Variants in MZT1 observed in about 807,000 individuals in gnomAD.
The protein encoded by MZT1 is mitotic-spindle organizing protein 1.
In MZT1, 8 loss-of-function variants were observed where a neutral mutation model predicts 8.5. The ratio of observed to expected loss-of-function variants is 0.94; its 90% CI spans 0.55 to 1.70. MZT1 has a LOEUF of 1.70. MZT1 is among the 40% of genes most tolerant of loss of function. The probability of loss-of-function intolerance (pLI) is 0.00; values close to 1 mark genes in which losing one functional copy is unlikely to be tolerated. For synonymous variants in MZT1, 38 were observed against 42.0 expected (o/e 0.90, Z 0.37); for missense variants, 93 against 108.6 (o/e 0.86, Z 0.64).
At chr13:72,717,973 C>G (rs536565242) in intron 2 of MZT1, among the ~76,000 whole-genome samples, 1 of 152,196 alleles carries the variant, frequency 6.6e-6, no homozygotes, top group Non-Finnish European at 1.5e-5. Flanking sequence ...GTATTTGTTA[C>G]AGCAACACCC....
chr13:72,724,715 T>TACAC (rs2032624114), intron 1 of MZT1, among the ~76,000 whole-genome samples: 4 of 22,844 alleles, frequency 1.8e-4, no homozygotes, highest in African/African-American at 2.4e-4. Flanking sequence ...TATATATATA[T>TACAC]ATACATATAT....
chr13:72,722,072 C>T, intron 1 of MZT1, among the ~76,000 whole-genome samples: 1 of 152,080 alleles, frequency 6.6e-6, no homozygotes, highest in East Asian at 1.9e-4. Context: ...TTGTTCCTGC[C>T]TTCGTCTATT....
In MZT1 at chr13:72,727,614, A is replaced by G; in HGVS notation, c.-12T>C. 6.3e-7 allele frequency: 1 copy of G among 1,584,422 alleles called. No homozygotes were observed. The highest frequency in any genetic ancestry group is 8.6e-7 in the Non-Finnish European group (1 of 1,164,980). Reference sequence around the variant, plus strand: ...CTGCTACTCGCCATGGCTAAGGCCGAGGGAGGCGGGAGAAGGGCCTGACCC... The same window carrying G: ...CTGCTACTCGCCATGGCTAAGGCCGGGGGAGGCGGGAGAAGGGCCTGACCC... On this transcript the variant is annotated 5_prime_UTR_variant, in exon 1 of 3. Transcript: ENST00000377818.
In MZT1 at chr13:72,708,974, T is replaced by G. The variant is rs556270549; in HGVS notation, c.*1348A>C. 6.6e-6 allele frequency: 1 copy of G among 152,026 alleles called. No homozygotes were observed. Among genetic ancestry groups the G allele is most frequent in the South Asian group, 2.1e-4 (1 of 4,826 alleles). The allele number at this position is 152,026 out of a possible 1,614,324, so 9.4% of individuals were successfully genotyped here. ...AATGGTACTCAATAAAATCTAAAATTTAAGAAATAATAAAATCAGATGAAA... is the reference window on the plus strand; with the variant it reads ...AATGGTACTCAATAAAATCTAAAATGTAAGAAATAATAAAATCAGATGAAA... On this transcript the variant is annotated 3_prime_UTR_variant, in exon 3 of 3. Coordinates refer to ENST00000377818, the MANE Select transcript of MZT1 (RefSeq NM_001071775.3).
At chr13:72,711,849 C>G (rs1422627817) in intron 2 of MZT1, among the ~76,000 whole-genome samples, 2 of 152,162 alleles carry the variant, frequency 1.3e-5, no homozygotes, top group Non-Finnish European at 2.9e-5. Flanking sequence ...CTCCCCAACT[C>G]TGTCCCAAAT....
chr13:72,710,289 C>T lies in MZT1; in HGVS notation c.*33G>A, dbSNP rs761415885. On this transcript the variant is annotated 3_prime_UTR_variant, in exon 3 of 3. Coordinates refer to ENST00000377818, the MANE Select transcript of MZT1 (RefSeq NM_001071775.3). ...GCAATCTTCAAACCCTCTTGCAGAG[C>T]TTGACATATCTCATCAGAATTTCTC... 3 of 1,610,438 alleles carry T rather than the reference C, an allele frequency of 1.9e-6. No individual in the cohort carries two copies. In the South Asian group the frequency reaches 3.3e-5, roughly 18 times the overall value.
At position 72,708,408 on chromosome 13, in the gene MZT1, C is replaced by T. The variant is rs192567564; in HGVS notation, c.*1914G>A. 17 of 152,648 alleles carry T rather than the reference C, an allele frequency of 1.1e-4. No homozygotes were observed. Among genetic ancestry groups the T allele is most frequent in the African/African-American group, 3.9e-4 (16 of 41,526 alleles). The allele number at this position is 152,648 out of a possible 1,614,324, so 9.5% of individuals were successfully genotyped here. ...TTATTTTTGTCATTGACAACAAGCA[C>T]AACACTGCAATTGTATCATTATTTT... is the stretch of plus-strand genomic sequence containing the variant. On this transcript the variant is annotated 3_prime_UTR_variant, in exon 3 of 3. Coordinates refer to ENST00000377818, the MANE Select transcript of MZT1 (RefSeq NM_001071775.3).
chr13:72,714,885 G>C (rs528947872), intron 2 of MZT1, among the ~76,000 whole-genome samples: 26 of 152,212 alleles, frequency 1.7e-4, no homozygotes, highest in Admixed American at 3.9e-4. Flanking sequence ...CCCTCATGGA[G>C]AATCTCTACT....
intron 2 of MZT1, among the ~76,000 whole-genome samples, chr13:72,712,412 C>T (rs138409907): frequency 6.6e-6 from 1 of 152,286 alleles, no homozygotes; most frequent in African/African-American, 2.4e-5. Context: ...CTTTGGCCTC[C>T]CAAAGTGCTG....
At position 72,726,944 on chromosome 13, in the gene MZT1, C is replaced by A. The variant is rs886831941; in HGVS notation, c.79+580G>T. On this transcript the variant is annotated intron_variant, in intron 1 of 2. Coordinates refer to ENST00000377818, the MANE Select transcript of MZT1 (RefSeq NM_001071775.3). ...GGGCCGAAAACAGGCGACACCATAG[C>A]ACTTGGGCACTGGTGTCACCCGCTT... 1.1e-4 allele frequency among the ~76,000 whole-genome samples: 17 copies of A among 152,284 alleles called. 1 individual carries two copies. The highest frequency in any genetic ancestry group is 4.1e-4 in the African/African-American group (17 of 41,564).
At chr13:72,725,834 A>G (rs932826006) in intron 1 of MZT1, among the ~76,000 whole-genome samples, 1 of 152,126 alleles carries the variant, frequency 6.6e-6, no homozygotes, top group African/African-American at 2.4e-5. Context: ...AATAGGCTAG[A>G]AGTGAGGTCT....
intron 2 of MZT1, among the ~76,000 whole-genome samples, chr13:72,718,105 A>C (rs1422182054): frequency 1.3e-5 from 2 of 152,284 alleles, no homozygotes; most frequent in East Asian, 3.9e-4. Flanking sequence ...ATCCATACCT[A>C]CTATACATAT....
At chr13:72,718,399 C>T (rs1465231100) in intron 2 of MZT1, among the ~76,000 whole-genome samples, 1 of 152,114 alleles carries the variant, frequency 6.6e-6, no homozygotes, top group African/African-American at 2.4e-5. Context: ...GGAGCAGGCA[C>T]AATTTTACTC....
At chr13:72,726,857 C>A (rs1303129181) in intron 1 of MZT1, among the ~76,000 whole-genome samples, 1 of 151,886 alleles carries the variant, frequency 6.6e-6, no homozygotes, top group East Asian at 1.9e-4. Flanking sequence ...CAGAGGGTAA[C>A]CGCAAGACAC....
chr13:72,725,626 T>A (rs2032643141), intron 1 of MZT1, among the ~76,000 whole-genome samples: 1 of 152,136 alleles, frequency 6.6e-6, no homozygotes, highest in African/African-American at 2.4e-5. Flanking sequence ...TTTACTTCAC[T>A]TTTTTGTGTT....
Position 72,727,603 on chromosome 13 carries a change from G to A in MZT1, c.-1C>T, listed in dbSNP as rs948447565. On this transcript the variant is annotated 5_prime_UTR_variant, in exon 1 of 3. Transcript: ENST00000377818. ...CCCCAGCACCGCTGCTACTCGCCATGGCTAAGGCCGAGGGAGGCGGGAGAA... is the reference window on the plus strand; with the variant it reads ...CCCCAGCACCGCTGCTACTCGCCATAGCTAAGGCCGAGGGAGGCGGGAGAA... 1.9e-6 allele frequency: 3 copies of A among 1,595,086 alleles called. No individual in the cohort carries two copies. Among genetic ancestry groups the A allele is most frequent in the African/African-American group, 2.7e-5 (2 of 74,602 alleles).
At chr13:72,717,843 A>G (rs147888856) in intron 2 of MZT1, among the ~76,000 whole-genome samples, 17 of 152,318 alleles carry the variant, frequency 1.1e-4, no homozygotes, top group African/African-American at 3.8e-4. Flanking sequence ...AATTGCCTCA[A>G]CATTCACAGT....
At chr13:72,723,278 T>G (rs373385285) in intron 1 of MZT1, among the ~76,000 whole-genome samples, 2 of 152,254 alleles carry the variant, frequency 1.3e-5, no homozygotes, top group Admixed American at 6.5e-5. Context: ...TCTTTTCAAA[T>G]GGACACCTAT....
At chr13:72,719,167 C>T in intron 1 of MZT1, 70 bp from the exon 2 acceptor site, 1 of 1,251,498 alleles carries the variant, frequency 8.0e-7, no homozygotes. Context: ...ATAGTACTTT[C>T]ATTAATTTAT....
Sources: allele counts gnomAD v4.1 joint callset (sites outside exome capture counted in the v4.1 genomes callset), GRCh38; gene constraint gnomAD v4.1.1; transcripts MANE v1.5; gene names NCBI Gene and HGNC (gene_info 2026-07-23, HGNC 2026-07-21).